Variants in FOXN3 observed in about 807,000 individuals in gnomAD.
FOXN3 encodes forkhead box protein N3.
A neutral mutation model predicts 38.4 loss-of-function variants in FOXN3; 7 were observed. That is an observed-to-expected ratio of 0.18 (90% CI 0.10 to 0.34). The LOEUF is 0.34. Among genes scored for constraint, FOXN3 ranks in the 10% least tolerant of loss-of-function variants. The pLI is 1.00. For missense variants in FOXN3, 456 were observed against 613.4 expected (o/e 0.74, Z 2.71); for synonymous variants, 230 against 242.2 (o/e 0.95, Z 0.47).
chr14:89,375,148 C>CT (rs1238527471), intron 2 of FOXN3, among the ~76,000 whole-genome samples: 1 of 152,096 alleles, frequency 6.6e-6, no homozygotes, highest in Admixed American at 6.6e-5. Flanking sequence ...GAAAACTTTT[C>CT]ATGATGAAAC....
chr14:89,576,673 TC>T (rs1566706207), intron 1 of FOXN3: 1 of 152,148 alleles, frequency 6.6e-6, no homozygotes, highest in Non-Finnish European at 1.5e-5. Context: ...ATCCAATCCT[TC>T]CCTTATCTGT....
chr14:89,344,666 C>CA, intron 3 of FOXN3, among the ~76,000 whole-genome samples: 1 of 152,268 alleles, frequency 6.6e-6, no homozygotes, highest in South Asian at 2.1e-4. Flanking sequence ...TAAATACCCC[C>CA]ACTATAAGTA....
chr14:89,481,869 G>A (rs760115184), intron 1 of FOXN3, among the ~76,000 whole-genome samples: 15 of 151,626 alleles, frequency 9.9e-5, no homozygotes, highest in Non-Finnish European at 2.2e-4. Flanking sequence ...ATCATTTACG[G>A]TCTAAACCAG....
At chr14:89,415,713 T>A (rs928759140) in intron 1 of FOXN3, among the ~76,000 whole-genome samples, 1 of 151,598 alleles carries the variant, frequency 6.6e-6, no homozygotes, top group African/African-American at 2.4e-5. Flanking sequence ...TTTCCTCCTG[T>A]TTCAGAGGGA....
intron 1 of FOXN3, among the ~76,000 whole-genome samples, chr14:89,543,543 C>T (rs1310302667): frequency 2.0e-5 from 3 of 152,130 alleles, no homozygotes; most frequent in East Asian, 3.9e-4. Flanking sequence ...TAATAGATTC[C>T]GCCTCGACTA....
intron 4 of FOXN3, among the ~76,000 whole-genome samples, chr14:89,200,403 G>C (rs61985224): frequency 0.13 from 20,402 of 152,164 alleles, 1,399 homozygotes; most frequent in Middle Eastern, 0.18. Context: ...GGTAAGTACA[G>C]AGCTCAAAGA....
chr14:89,204,888 C>A (rs1888339271), intron 4 of FOXN3, among the ~76,000 whole-genome samples: 1 of 147,676 alleles, frequency 6.8e-6, no homozygotes, highest in African/African-American at 2.7e-5. Context: ...TATCGTTATG[C>A]TGTTAATGAG....
intron 3 of FOXN3, among the ~76,000 whole-genome samples, chr14:89,333,974 A>ATC (rs1566959290): frequency 3.6e-3 from 6 of 1,682 alleles, no homozygotes; most frequent in African/African-American, 4.5e-3. Flanking sequence ...GTGTATATAT[A>ATC]TATATATATA....
chr14:89,479,794 T>C (rs554494155), intron 1 of FOXN3, among the ~76,000 whole-genome samples: 1 of 152,312 alleles, frequency 6.6e-6, no homozygotes, highest in South Asian at 2.1e-4. Flanking sequence ...AAAAGCTCTC[T>C]CTGATACATA....
At chr14:89,495,103 G>A (rs1893653074) in intron 1 of FOXN3, among the ~76,000 whole-genome samples, 1 of 152,180 alleles carries the variant, frequency 6.6e-6, no homozygotes. Context: ...CATCACGGTA[G>A]ACAAAAGTAA....
At chr14:89,184,498 T>A (rs1182390119) in intron 4 of FOXN3, among the ~76,000 whole-genome samples, 1 of 152,228 alleles carries the variant, frequency 6.6e-6, no homozygotes, top group African/African-American at 2.4e-5. Context: ...AGGAAGCCAG[T>A]CGTCACCAAG....
chr14:89,161,775 G>A lies in FOXN3; in HGVS notation c.*639C>T, dbSNP rs1436792322. 2 of 152,164 alleles carry A rather than the reference G, an allele frequency of 1.3e-5. No individual in the cohort carries two copies. Among genetic ancestry groups the A allele is most frequent in the Non-Finnish European group, 2.9e-5 (2 of 68,010 alleles). The allele number at this position is 152,164 out of a possible 1,614,324, so 9.4% of individuals were successfully genotyped here. On this transcript the variant is annotated 3_prime_UTR_variant, in exon 6 of 6. Transcript: ENST00000557258. ...AACGTCCACCTCGTAAGATGTCATC[G>A]GGCTTCAGGGTTCAGAAGCATCGAG...
At chr14:89,445,643 A>C (rs1343386315) in intron 1 of FOXN3, among the ~76,000 whole-genome samples, 2 of 152,050 alleles carry the variant, frequency 1.3e-5, no homozygotes, top group African/African-American at 4.8e-5. Context: ...GCCTTTTCAC[A>C]CTGCCGTAAA....
chr14:89,380,729 C>T (rs1890621271), intron 2 of FOXN3, among the ~76,000 whole-genome samples: 1 of 152,210 alleles, frequency 6.6e-6, no homozygotes, highest in Non-Finnish European at 1.5e-5. Context: ...GCCTCACAGA[C>T]CATGGGCAGT....
At chr14:89,307,824 A>C (rs942582597) in intron 3 of FOXN3, among the ~76,000 whole-genome samples, 2 of 152,324 alleles carry the variant, frequency 1.3e-5, no homozygotes, top group Admixed American at 6.5e-5. Flanking sequence ...AGTAAATCCT[A>C]TAGCAGTCTC....
chr14:89,607,303 A>C, intron 1 of FOXN3, among the ~76,000 whole-genome samples: 1 of 152,174 alleles, frequency 6.6e-6, no homozygotes, highest in Non-Finnish European at 1.5e-5. Context: ...TCATGCCTAT[A>C]ATTCCAGCAC....
chr14:89,524,556 T>C (rs926474391), intron 1 of FOXN3, among the ~76,000 whole-genome samples: 5 of 151,412 alleles, frequency 3.3e-5, no homozygotes, highest in Non-Finnish European at 7.4e-5. Flanking sequence ...TCAATAAAAC[T>C]CTCATCAGTA....
At chr14:89,355,408 T>G (rs1889175019) in intron 2 of FOXN3, 1 of 148,542 alleles carries the variant, frequency 6.7e-6, no homozygotes, top group Non-Finnish European at 1.5e-5. Flanking sequence ...CTTTTTTTTT[T>G]GTATTTTTAG....
chr14:89,468,728 C>T (rs774479471), intron 1 of FOXN3, among the ~76,000 whole-genome samples: 5 of 152,142 alleles, frequency 3.3e-5, no homozygotes, highest in African/African-American at 1.2e-4. Context: ...TGTGCCAGGA[C>T]GTATCATTTG....
Sources: allele counts gnomAD v4.1 joint callset (sites outside exome capture counted in the v4.1 genomes callset), GRCh38; gene constraint gnomAD v4.1.1; transcripts MANE v1.5; gene names NCBI Gene and HGNC (gene_info 2026-07-23, HGNC 2026-07-21).